SYTL2: variants seen among roughly 807,000 people sequenced by gnomAD.
SYTL2 encodes synaptotagmin-like protein 2.
A neutral mutation model predicts 198.7 loss-of-function variants in SYTL2; 165 were observed. That is an observed-to-expected ratio of 0.83 (90% confidence interval 0.73 to 0.94). The LOEUF (loss-of-function observed/expected upper bound fraction) is 0.94. Ranked by LOEUF, SYTL2 falls within the 40% of genes least tolerant of loss-of-function variation. SYTL2 has a pLI of 0.00. For synonymous variants in SYTL2, 966 were observed against 917.7 expected (o/e 1.05, Z -0.95); for missense variants, 2,835 against 2,582.8 (o/e 1.10, Z -2.12).
intron 15 of SYTL2, among the ~76,000 whole-genome samples, chr11:85,705,483 A>C (rs1192700711): frequency 2.0e-5 from 3 of 152,170 alleles, no homozygotes. Flanking sequence ...CAGAGTTCCC[A>C]TATGCCATGT....
intron 1 of SYTL2, among the ~76,000 whole-genome samples, chr11:85,761,723 A>G (rs1375896872): frequency 6.6e-6 from 1 of 152,234 alleles, no homozygotes; most frequent in African/African-American, 2.4e-5. Context: ...CAGTGACACA[A>G]TCTCGGCTCA....
the SYTL2 span, among the ~76,000 whole-genome samples, chr11:85,851,408 T>C: frequency 6.6e-6 from 1 of 152,216 alleles, no homozygotes; most frequent in South Asian, 2.1e-4. Flanking sequence ...TATTGTGAGA[T>C]TTAATAATAA....
the SYTL2 span, among the ~76,000 whole-genome samples, chr11:85,823,339 T>C: frequency 4.6e-5 from 7 of 152,222 alleles, no homozygotes; most frequent in Non-Finnish European, 8.8e-5. Context: ...CAAGTACATG[T>C]TGCCGGCTGA....
chr11:85,820,879 T>C, the SYTL2 span, among the ~76,000 whole-genome samples: 1 of 152,270 alleles, frequency 6.6e-6, no homozygotes, highest in Non-Finnish European at 1.5e-5. Flanking sequence ...GTAAGTATAC[T>C]GTAGGAGACA....
Position 85,733,956 on chromosome 11 carries a change from A to C in SYTL2, c.1373T>G (p.Leu458Ter), listed in dbSNP as rs758856601. The C allele has an allele frequency of 1.2e-6, 2 of 1,614,016 alleles. No individual in the cohort carries two copies. Residue 458 changes from leucine to a stop codon, truncating the protein, a stop_gained, in exon 7 of 20, where the codon TTA (leucine) becomes TGA (stop). Coordinates refer to ENST00000359152, the MANE Select transcript of SYTL2 (RefSeq NM_206927.4). LOFTEE classifies it high-confidence loss of function. ...SSELTRLESV[L>*]PRSPADELSH... is the part of the protein sequence containing the mutation. ...TCTCTTACCAGCAGGGCTTCTGGGT[A>C]ATACAGATTCAAGCCTTGTTAATTC...
chr11:85,790,906 G>A (rs1262251837), intron 1 of SYTL2, among the ~76,000 whole-genome samples: 1 of 152,090 alleles, frequency 6.6e-6, no homozygotes, highest in Non-Finnish European at 1.5e-5. Context: ...GCTCATGTCT[G>A]TAATCCCAAC....
intron 15 of SYTL2, among the ~76,000 whole-genome samples, chr11:85,705,531 T>A (rs998504523): frequency 1.3e-5 from 2 of 152,012 alleles, no homozygotes; most frequent in African/African-American, 4.8e-5. Context: ...ACTATCAACA[T>A]CCCACACAGA....
intron 1 of SYTL2, among the ~76,000 whole-genome samples, chr11:85,797,783 A>G (rs2092825292): frequency 6.6e-6 from 1 of 152,162 alleles, no homozygotes; most frequent in East Asian, 1.9e-4. Context: ...CTGGCCACTC[A>G]TCTATCTCAT....
In SYTL2 at chr11:85,696,287, A is replaced by AT; in HGVS notation, c.6469_6470insA (p.Phe2157TyrfsTer4). The AT allele has an allele frequency of 6.2e-7, 1 of 1,614,092 alleles. No individual in the cohort carries two copies. The highest frequency in any genetic ancestry group is 2.2e-5 in the East Asian group (1 of 44,880). Reference sequence around the variant, plus strand: ...GGCTTCCATCAGATCTTCAGGCCTGAACCCATCATACACCATAGTGTGGTT... The same window carrying AT: ...GGCTTCCATCAGATCTTCAGGCCTGATACCCATCATACACCATAGTGTGGTT... On this transcript the variant is annotated frameshift_variant, in exon 19 of 20. Transcript: ENST00000359152. LOFTEE classifies it high-confidence loss of function.
chr11:85,847,660 A>T, the SYTL2 span, among the ~76,000 whole-genome samples: 1 of 152,212 alleles, frequency 6.6e-6, no homozygotes, highest in East Asian at 1.9e-4. Flanking sequence ...AGGGTTAGCC[A>T]TTCCAGTAGG....
intron 2 of SYTL2, among the ~76,000 whole-genome samples, chr11:85,751,978 G>A (rs1192282984): frequency 6.6e-6 from 1 of 152,180 alleles, no homozygotes; most frequent in African/African-American, 2.4e-5. Context: ...TGCCAAGAGT[G>A]TGAGCACTTA....
Position 85,726,394 on chromosome 11 carries a change from A to G in SYTL2, c.2964T>C (p.Phe988=). ...TGTTTGAATTAGCTTCTAAGTCCCA[A>G]AACTTTCTCAAATTCTCAAACTGAG... ...NPSQFENLRK[F]WDLEANSNSK... is the part of the protein sequence containing the mutation. Residue 988 remains phenylalanine (F), a synonymous_variant, in exon 8 of 20, where the codon TTT becomes TTC. Coordinates refer to ENST00000359152, the MANE Select transcript of SYTL2 (RefSeq NM_206927.4). The G allele has an allele frequency of 2.5e-6, 4 of 1,613,380 alleles. No individual in the cohort carries two copies. Among genetic ancestry groups the G allele is most frequent in the Non-Finnish European group, 3.4e-6 (4 of 1,179,832 alleles).
intron 4 of SYTL2, among the ~76,000 whole-genome samples, chr11:85,741,745 C>A (rs948231882): frequency 3.7e-4 from 56 of 152,124 alleles, no homozygotes; most frequent in African/African-American, 1.3e-3. Context: ...AAATTAATAT[C>A]TACGAAAGAC....
At chr11:85,847,323 T>A in the SYTL2 span, among the ~76,000 whole-genome samples, 1 of 152,224 alleles carries the variant, frequency 6.6e-6, no homozygotes, top group Non-Finnish European at 1.5e-5. Flanking sequence ...GCTTCTTCAC[T>A]TAGCTCAATT....
the SYTL2 span, among the ~76,000 whole-genome samples, chr11:85,836,730 T>C: frequency 6.6e-6 from 1 of 152,126 alleles, no homozygotes; most frequent in Non-Finnish European, 1.5e-5. Context: ...ATATGAAATA[T>C]ATTACATATT....
At chr11:85,784,573 G>C (rs1452383718) in intron 1 of SYTL2, among the ~76,000 whole-genome samples, 3 of 152,126 alleles carry the variant, frequency 2.0e-5, no homozygotes, top group Admixed American at 6.5e-5. Context: ...TAGTAAGGCT[G>C]AATTGCTTTA....
the SYTL2 span, among the ~76,000 whole-genome samples, chr11:85,828,960 C>A: frequency 6.6e-6 from 1 of 152,128 alleles, no homozygotes; most frequent in East Asian, 1.9e-4. Flanking sequence ...CTTCTTGAAA[C>A]CCTGAAGATC....
At position 85,780,302 on chromosome 11, in the gene SYTL2, A is replaced by C. The variant is rs143575488; in HGVS notation, c.-389-22188T>G. Among the ~76,000 whole-genome samples the C allele has an allele frequency of 2.6e-3, 398 of 152,340 alleles. 4 individuals are homozygous for C. Among genetic ancestry groups the C allele is most frequent in the South Asian group, 0.023 (109 of 4,834 alleles). On this transcript the variant is annotated intron_variant, in intron 1 of 19. Transcript: ENST00000359152. ...AATATCTTTGTTCTCTTTTCCTGGT[A>C]CATAGCTCCTAAAACCCTTGGAATC...
At chr11:85,741,136 G>T (rs2153508832) in intron 4 of SYTL2, among the ~76,000 whole-genome samples, 1 of 150,446 alleles carries the variant, frequency 6.6e-6, no homozygotes, top group South Asian at 2.1e-4. Context: ...TTGTTGACTT[G>T]TTTTTTGTTG....
Sources: gnomAD v4.1 joint callset for allele counts (sites outside exome capture counted in the v4.1 genomes callset) on GRCh38, gnomAD v4.1.1 for gene constraint, MANE v1.5 for transcripts, NCBI Gene and HGNC (gene_info 2026-07-23, HGNC 2026-07-21) for gene names.